TUT7: variants seen among roughly 807,000 people sequenced by gnomAD.
TUT7 encodes terminal uridylyl transferase 7, also known as terminal uridylyltransferase 7.
TUT7 carries 33 observed loss-of-function variants against 165.9 expected under a neutral mutation model. The observed-to-expected ratio is 0.20, with a 90% confidence interval of 0.15 to 0.27. The LOEUF (loss-of-function observed/expected upper bound fraction) is 0.27, where lower values mean the gene tolerates loss of function less well. TUT7 is among the 10% of genes least tolerant of loss of function. The pLI is 1.00. For synonymous variants in TUT7, 552 were observed against 608.1 expected (o/e 0.91, Z 1.36); for missense variants, 1,338 against 1,762.3 (o/e 0.76, Z 4.31).
intron 11 of TUT7, among the ~76,000 whole-genome samples, chr9:86,327,483 C>A (rs556762036): frequency 6.6e-6 from 1 of 152,260 alleles, no homozygotes; most frequent in South Asian, 2.1e-4. Flanking sequence ...GTCACTTGCC[C>A]AAGGACACAC....
At chr9:86,315,874 A>G (rs1464125282) in intron 17 of TUT7, among the ~76,000 whole-genome samples, 1 of 152,038 alleles carries the variant, frequency 6.6e-6, no homozygotes, top group Admixed American at 6.5e-5. Context: ...CAAAATTAAG[A>G]TTTTTTTTCC....
chr9:86,347,552 C>T (rs11141341), intron 2 of TUT7, among the ~76,000 whole-genome samples: 17,738 of 152,014 alleles, frequency 0.12, 1,301 homozygotes, highest in South Asian at 0.19. Context: ...AATATAGGAC[C>T]TCCAATTTTA....
At chr9:86,339,414 A>C (rs1323890182) in intron 8 of TUT7, among the ~76,000 whole-genome samples, 2 of 152,174 alleles carry the variant, frequency 1.3e-5, no homozygotes, top group Non-Finnish European at 2.9e-5. Context: ...ACTACTCGGA[A>C]GTCTGAGGCA....
At chr9:86,290,909 C>A (rs558395955) in intron 26 of TUT7, among the ~76,000 whole-genome samples, 1 of 151,942 alleles carries the variant, frequency 6.6e-6, no homozygotes, top group African/African-American at 2.4e-5. Context: ...CATACAAACT[C>A]TGGATGGATT....
rs770391696 is a variant in TUT7, at chr9:86,310,006, G to A, written c.3390C>T (p.Asn1130=). The A allele has an allele frequency of 4.5e-5, 73 of 1,612,064 alleles. No homozygotes were observed. The Admixed American group carries it at 1.2e-3, about 27-fold the overall frequency. The change falls in exon 19 of 27, where the codon AAC becomes AAT. Residue 1130 remains asparagine (N), a synonymous_variant. Transcript: ENST00000375963. ...ISLYNTLALH[N]TRLLSAYSAI... ...CGGAATAAGCAGATAAAAGCCTTGT[G>A]TTATGAAGGGCCTGTTAAAAGGAAA...
intron 22 of TUT7, among the ~76,000 whole-genome samples, chr9:86,307,195 A>G (rs930484126): frequency 6.6e-6 from 1 of 152,054 alleles, no homozygotes; most frequent in Non-Finnish European, 1.5e-5. Flanking sequence ...AATCACTTGA[A>G]CCCGGGAGGT....
intron 15 of TUT7, among the ~76,000 whole-genome samples, 172 bp downstream of exon 15, chr9:86,319,411 AC>A (rs1268839800): frequency 6.6e-6 from 1 of 152,132 alleles, no homozygotes; most frequent in Non-Finnish European, 1.5e-5. Flanking sequence ...GCTAGAATAA[AC>A]CCTACACTGT....
intron 23 of TUT7, 89 bp downstream of exon 23, chr9:86,305,103 C>T: frequency 1.5e-6 from 2 of 1,335,160 alleles, no homozygotes; most frequent in South Asian, 1.3e-5. Flanking sequence ...TGAGACCAGC[C>T]TGGGCAATAA....
chr9:86,310,763 C>T lies in TUT7; in HGVS notation c.3321G>A (p.Val1107=). ...GACCACTTCTCAAATGGAAGAACTTCACAATTGGCACCTTTGCTGTTGTAA... is the reference window on the plus strand; with the variant it reads ...GACCACTTCTCAAATGGAAGAACTTTACAATTGGCACCTTTGCTGTTGTAA... The part of the protein sequence containing the change: ...LPITTAKVPI[V]KFFHLRSGLE... The change falls in exon 18 of 27, where the codon GTG becomes GTA. Residue 1107 remains valine, a synonymous_variant. Coordinates refer to ENST00000375963, the MANE Select transcript of TUT7 (RefSeq NM_024617.4). The T allele has an allele frequency of 6.2e-7, 1 of 1,613,492 alleles. No homozygotes were observed. The highest frequency in any genetic ancestry group is 8.5e-7 in the Non-Finnish European group (1 of 1,179,440).
At chr9:86,324,105 C>A in intron 12 of TUT7, 145 bp from the exon 13 acceptor site, 1 of 757,706 alleles carries the variant, frequency 1.3e-6, no homozygotes, top group Non-Finnish European at 2.0e-6. Context: ...TAAAAAAAAA[C>A]TGGGGGTGGG....
chr9:86,352,903 C>G lies in TUT7; in HGVS notation c.297G>C (p.Lys99Asn), dbSNP rs1303950079. ...CAGTATGTTCATCAGACAGCCATCT[C>G]TTACTCTGATCTTTGTGGCTGTCAT... is the stretch of plus-strand genomic sequence containing the variant. ...WMNDSHKDQS[K>N]RWLSDEHTGN... Residue 99 changes from lysine (K) to asparagine (N), a missense_variant, in exon 2 of 27, where the codon AAG (lysine) becomes AAC (asparagine). Lys to Asn is a moderately conservative substitution (Grantham distance 94). Transcript: ENST00000375963. 1 of 1,614,088 alleles carries G rather than the reference C, an allele frequency of 6.2e-7. No homozygotes were observed. Among genetic ancestry groups the G allele is most frequent in the Non-Finnish European group, 8.5e-7 (1 of 1,180,040 alleles).
At chr9:86,322,762 T>C in intron 13 of TUT7, 111 bp downstream of exon 13, 1 of 1,276,128 alleles carries the variant, frequency 7.8e-7, no homozygotes, top group Non-Finnish European at 1.1e-6. Context: ...AAAGGCCAAC[T>C]TGTTCAACAC....
intron 2 of TUT7, among the ~76,000 whole-genome samples, chr9:86,347,803 T>C (rs1464405595): frequency 6.6e-6 from 1 of 152,208 alleles, no homozygotes. Flanking sequence ...GCTACCTTAA[T>C]ATTTCCTTTT....
At position 86,301,594 on chromosome 9, in the gene TUT7, GTCTTAC is replaced by G; in HGVS notation, c.4096_4101del (p.Val1366_Arg1367del). The G allele has an allele frequency of 6.2e-7, 1 of 1,611,760 alleles. No homozygotes were observed. Among genetic ancestry groups the G allele is most frequent in the Non-Finnish European group, 8.5e-7 (1 of 1,179,524 alleles). ...AGGGCATCTTCCTGATCTCGCCGCC[GTCTTAC>G]TCTGTAGAAGATATCATATTAGTAG... On this transcript the variant is annotated inframe_deletion and splice_region_variant, in exon 26 of 27. Transcript: ENST00000375963.
Position 86,353,157 on chromosome 9 carries a change from C to CTT in TUT7, c.41_42dup (p.Asp15LysfsTer21), listed in dbSNP as rs754949828. 6.3e-7 allele frequency: 1 copy of CTT among 1,596,756 alleles called. No homozygotes were observed. Among genetic ancestry groups the CTT allele is most frequent in the Non-Finnish European group, 8.5e-7 (1 of 1,174,490 alleles). On this transcript the variant is annotated frameshift_variant, in exon 2 of 27. Transcript: ENST00000375963. LOFTEE classifies it high-confidence loss of function. Reference sequence around the variant, plus strand: ...TCATCATCATCCATAGTCCCCCGGTCTTTAGTGCGCTTCACGAAATAAGGT... The same window carrying CTT: ...TCATCATCATCCATAGTCCCCCGGTCTTTTTAGTGCGCTTCACGAAATAAGGT...
intron 26 of TUT7, among the ~76,000 whole-genome samples, chr9:86,295,650 A>C (rs1482541192): frequency 6.6e-6 from 1 of 152,162 alleles, no homozygotes. Context: ...CTATTATTTT[A>C]AGCTTATTAT....
At chr9:86,353,421 TA>T (rs1373391808) in intron 1 of TUT7, among the ~76,000 whole-genome samples, 191 bp from the exon 2 acceptor site, 10 of 152,138 alleles carry the variant, frequency 6.6e-5, no homozygotes, top group Middle Eastern at 3.2e-3. Context: ...CTTGGTCCTC[TA>T]ATATTCTTCA....
Position 86,322,913 on chromosome 9 carries a change from A to T in TUT7, c.2837T>A (p.Phe946Tyr). ...EKNSPVDQSD[F>Y]FYEFSKLIFT... is the part of the protein sequence containing the mutation. ...GATAAGTTTACTGAATTCATAAAAA[A>T]AATCAGACTGATCCACAGGTGAATT... Residue 946 changes from phenylalanine to tyrosine, a missense_variant, in exon 13 of 27, where the codon TTT (phenylalanine) becomes TAT (tyrosine). Coordinates refer to ENST00000375963, the MANE Select transcript of TUT7 (RefSeq NM_024617.4). 6.2e-7 allele frequency: 1 copy of T among 1,605,358 alleles called. No homozygotes were observed. Among genetic ancestry groups the T allele is most frequent in the Non-Finnish European group, 8.5e-7 (1 of 1,177,480 alleles).
In TUT7 at chr9:86,346,195, C is replaced by A. The variant is rs75225886; in HGVS notation, c.702+104G>T. ...CTTGTAGTGCTTAAATACTGATAAC[C>A]AAAGTAGGATATCTAATTGATCAGA... On this transcript the variant is annotated intron_variant, in intron 3 of 26. Transcript: ENST00000375963. 1.8e-3 allele frequency: 1,986 copies of A among 1,126,736 alleles called. 30 individuals carry two copies. The African/African-American group carries it at 0.028, about 16-fold the overall frequency. The allele number at this position is 1,126,736 out of a possible 1,614,324, so 69.8% of individuals were successfully genotyped here.
Sources: allele counts gnomAD v4.1 joint callset (sites outside exome capture counted in the v4.1 genomes callset), GRCh38; gene constraint gnomAD v4.1.1; transcripts MANE v1.5; gene names NCBI Gene and HGNC (gene_info 2026-07-23, HGNC 2026-07-21).